The following FMN2 variants were observed in gnomAD, a reference collection of about 807,000 sequenced individuals.
FMN2 encodes formin 2.
Under a neutral mutation model 142.3 loss-of-function variants are expected in FMN2, and 51 were observed. That is an observed-to-expected ratio of 0.36 (90% CI 0.29 to 0.45). FMN2 has a LOEUF of 0.45. Ranked by LOEUF, FMN2 falls within the 20% of genes least tolerant of loss-of-function variation. The pLI, the probability that FMN2 is intolerant of heterozygous loss-of-function variation, is 1.00. For synonymous variants in FMN2, 882 were observed against 869.8 expected, an observed-to-expected ratio of 1.01 and a Z score of -0.25; for missense variants, 1,936 against 2,122.8, an observed-to-expected ratio of 0.91 and a Z score of 1.73.
At chr1:240,307,217 G>A (rs1670439073) in intron 8 of FMN2, among the ~76,000 whole-genome samples, 1 of 145,520 alleles carries the variant, frequency 6.9e-6, no homozygotes, top group Non-Finnish European at 1.5e-5. Flanking sequence ...CTTGTCAAGA[G>A]TTTCTTCTGT....
At chr1:240,255,020 G>A (rs1045743957) in intron 6 of FMN2, among the ~76,000 whole-genome samples, 1 of 152,194 alleles carries the variant, frequency 6.6e-6, no homozygotes, top group Non-Finnish European at 1.5e-5. Context: ...CTCAGGGCCT[G>A]TGCAGGCCGC....
intron 6 of FMN2, among the ~76,000 whole-genome samples, chr1:240,219,911 C>T (rs1042155767): frequency 1.3e-5 from 2 of 152,118 alleles, no homozygotes; most frequent in South Asian, 2.1e-4. Context: ...TTCCTGCCTC[C>T]GCTTCCCAAA....
At chr1:240,166,196 A>T (rs2103301298) in intron 2 of FMN2, among the ~76,000 whole-genome samples, 1 of 150,600 alleles carries the variant, frequency 6.6e-6, no homozygotes, top group Non-Finnish European at 1.5e-5. Context: ...TTATATAATT[A>T]TACGTTATGT....
intron 15 of FMN2, among the ~76,000 whole-genome samples, chr1:240,393,496 G>A (rs1014892581): frequency 2.0e-5 from 3 of 151,904 alleles, no homozygotes; most frequent in South Asian, 2.1e-4. Flanking sequence ...AGGCCTCCCC[G>A]TATTCCCTGA....
chr1:240,343,215 T>TA (rs1671800109), intron 13 of FMN2, among the ~76,000 whole-genome samples: 1 of 152,208 alleles, frequency 6.6e-6, no homozygotes, highest in Non-Finnish European at 1.5e-5. Context: ...GTAATTCTGA[T>TA]ATGTCTTTCA....
intron 2 of FMN2, chr1:240,143,582 C>T (rs1663289810): frequency 1.2e-6 from 2 of 1,606,954 alleles, no homozygotes; most frequent in Non-Finnish European, 1.7e-6. Flanking sequence ...CCAGAGCCTG[C>T]CTATGCACAC....
intron 13 of FMN2, among the ~76,000 whole-genome samples, chr1:240,334,870 G>A (rs547964863): frequency 1.3e-5 from 2 of 152,172 alleles, no homozygotes; most frequent in African/African-American, 2.4e-5. Context: ...CACCTCAGCT[G>A]TCTATTTCAG....
chr1:240,221,370 C>A (rs975683080), intron 6 of FMN2, among the ~76,000 whole-genome samples: 2 of 152,172 alleles, frequency 1.3e-5, no homozygotes, highest in African/African-American at 4.8e-5. Flanking sequence ...CACATCCTCT[C>A]CAGCATCTGT....
intron 2 of FMN2, among the ~76,000 whole-genome samples, chr1:240,152,942 T>G (rs1248032046): frequency 6.6e-6 from 1 of 152,196 alleles, no homozygotes; most frequent in Non-Finnish European, 1.5e-5. Context: ...TGTAGCCCTG[T>G]GATTTTGGGT....
intron 1 of FMN2, among the ~76,000 whole-genome samples, chr1:240,117,109 C>A (rs186977936): frequency 6.6e-6 from 1 of 152,130 alleles, no homozygotes; most frequent in Non-Finnish European, 1.5e-5. Context: ...CAGCTCAGAA[C>A]ACAAGGGAAA....
At chr1:240,351,967 C>A (rs1672111637) in intron 13 of FMN2, among the ~76,000 whole-genome samples, 1 of 152,190 alleles carries the variant, frequency 6.6e-6, no homozygotes, top group South Asian at 2.1e-4. Context: ...GTTATTACTT[C>A]TACTTTTTAA....
intron 2 of FMN2, among the ~76,000 whole-genome samples, chr1:240,153,941 C>G (rs1663897066): frequency 1.3e-5 from 2 of 151,682 alleles, no homozygotes; most frequent in African/African-American, 4.8e-5. Context: ...CATGGCACAA[C>G]CCTGCCTCTA....
intron 6 of FMN2, among the ~76,000 whole-genome samples, chr1:240,250,185 GCTTT>G (rs1668231876): frequency 6.6e-6 from 1 of 152,088 alleles, no homozygotes; most frequent in Non-Finnish European, 1.5e-5. Context: ...TAGAGGAAAG[GCTTT>G]CATCTTTTCC....
chr1:240,183,030 C>T (rs1280825654), intron 3 of FMN2, among the ~76,000 whole-genome samples: 2 of 151,924 alleles, frequency 1.3e-5, no homozygotes, highest in Non-Finnish European at 2.9e-5. Context: ...GATCCTTCCA[C>T]CTCAGCCTCC....
rs187831072 is a variant in FMN2 at position 240,221,266 on chromosome 1, G to T, written c.4065+10031G>T. 2.7e-3 allele frequency among the ~76,000 whole-genome samples: 411 copies of T among 152,104 alleles called. 3 individuals are homozygous for T. The South Asian group carries it at 0.027, about 10-fold the overall frequency. On this transcript the variant is annotated intron_variant, in intron 6 of 17. Coordinates refer to ENST00000319653, the MANE Select transcript of FMN2 (RefSeq NM_020066.5). ...GATTGCTGGGTCAAATGGTATTTCT[G>T]GTTCTAGATCCTTGAGGAATCACCA...
At chr1:240,147,604 C>T (rs1453032879) in intron 2 of FMN2, among the ~76,000 whole-genome samples, 2 of 152,146 alleles carry the variant, frequency 1.3e-5, no homozygotes, top group Admixed American at 6.5e-5. Context: ...GTGATCCTCC[C>T]ACCTGGGCCC....
At chr1:240,209,332 G>C (rs1262798143) in intron 5 of FMN2, among the ~76,000 whole-genome samples, 1 of 150,966 alleles carries the variant, frequency 6.6e-6, no homozygotes, top group South Asian at 2.1e-4. Flanking sequence ...CCCACTGCAA[G>C]CTCCGCCTCC....
intron 16 of FMN2, among the ~76,000 whole-genome samples, chr1:240,470,699 G>A (rs1676780881): frequency 6.6e-6 from 1 of 151,984 alleles, no homozygotes; most frequent in Non-Finnish European, 1.5e-5. Flanking sequence ...TATATGAAAT[G>A]CATTTTATTA....
intron 3 of FMN2, among the ~76,000 whole-genome samples, chr1:240,180,811 C>T (rs1665119458): frequency 6.6e-6 from 1 of 151,998 alleles, no homozygotes; most frequent in African/African-American, 2.4e-5. Flanking sequence ...AAGTGATCTG[C>T]CCGCCTCTGC....
Sources: allele counts gnomAD v4.1 joint callset (sites outside exome capture counted in the v4.1 genomes callset), GRCh38; gene constraint gnomAD v4.1.1; transcripts MANE v1.5; gene names NCBI Gene and HGNC (gene_info 2026-07-23, HGNC 2026-07-21).